IQCM: variants seen among roughly 807,000 people sequenced by gnomAD.
IQCM encodes the protein IQ motif containing M, also known as IQ domain-containing protein M.
In IQCM, 45 loss-of-function variants were observed where a neutral mutation model predicts 57.6. The observed-to-expected ratio is 0.78, with a 90% confidence interval of 0.62 to 1.00. IQCM has a LOEUF of 1.00. IQCM is among the 50% of genes least tolerant of loss of function. The pLI is 0.00. For synonymous variants in IQCM, 148 were observed against 158.9 expected (o/e 0.93, Z 0.51); for missense variants, 468 against 511.6 (o/e 0.91, Z 0.82).
intron 7 of IQCM, among the ~76,000 whole-genome samples, chr4:149,676,255 CAA>C (rs1761742066): frequency 6.6e-6 from 1 of 152,038 alleles, no homozygotes; most frequent in South Asian, 2.1e-4. Context: ...TGTATTTACA[CAA>C]GACCATAAAC....
At chr4:149,528,130 C>T (rs1463765496) in intron 12 of IQCM, among the ~76,000 whole-genome samples, 1 of 151,962 alleles carries the variant, frequency 6.6e-6, no homozygotes, top group Non-Finnish European at 1.5e-5. Flanking sequence ...GGATTACAGG[C>T]ACCTGGCCCC....
chr4:149,375,009 T>TGA lies in IQCM; in HGVS notation c.1391-22945_1391-22944dup, dbSNP rs748110674. ...TGTGTGTGTGTGTGTTGTGTGTGTG[T>TGA]GATGTTCTTTATTAGCAAAATTTAA... On this transcript the variant is annotated intron_variant, in intron 13 of 13. Coordinates refer to ENST00000636793, the MANE Select transcript of IQCM (RefSeq NM_001363507.2). Among the ~76,000 whole-genome samples the TGA allele has an allele frequency of 8.6e-3, 1,307 of 151,194 alleles. 10 individuals carry two copies. The highest frequency in any genetic ancestry group is 0.037 in the Middle Eastern group (11 of 294).
At chr4:149,527,159 G>T (rs1560951871) in intron 12 of IQCM, among the ~76,000 whole-genome samples, 1 of 152,152 alleles carries the variant, frequency 6.6e-6, no homozygotes, top group Admixed American at 6.5e-5. Flanking sequence ...ACTAAGCATG[G>T]TGCTGGCCAC....
intron 7 of IQCM, among the ~76,000 whole-genome samples, chr4:149,664,477 A>T (rs1404781637): frequency 1.3e-5 from 2 of 152,110 alleles, no homozygotes; most frequent in African/African-American, 2.4e-5. Flanking sequence ...GCAGATGGTC[A>T]GAGTGTCAGT....
chr4:149,784,630 G>T (rs1311007494), intron 2 of IQCM, among the ~76,000 whole-genome samples: 1 of 152,078 alleles, frequency 6.6e-6, no homozygotes, highest in Admixed American at 6.6e-5. Context: ...TAGCCAGGAT[G>T]GTCTGCATCT....
At chr4:149,498,056 G>T (rs1386337190) in intron 12 of IQCM, among the ~76,000 whole-genome samples, 2 of 152,090 alleles carry the variant, frequency 1.3e-5, no homozygotes, top group Admixed American at 6.6e-5. Context: ...GTTAGAACTG[G>T]CCCTACCACC....
chr4:149,395,166 T>C (rs1480976853), intron 13 of IQCM, among the ~76,000 whole-genome samples: 1 of 152,042 alleles, frequency 6.6e-6, no homozygotes, highest in Non-Finnish European at 1.5e-5. Context: ...TAAACATATC[T>C]ATAGCTAACA....
At chr4:149,389,434 A>G (rs1277602962) in intron 13 of IQCM, among the ~76,000 whole-genome samples, 2 of 151,888 alleles carry the variant, frequency 1.3e-5, no homozygotes, top group Non-Finnish European at 2.9e-5. Flanking sequence ...CATTATTCAC[A>G]ATAGCAAAGA....
intron 6 of IQCM, among the ~76,000 whole-genome samples, chr4:149,682,689 A>G (rs983876850): frequency 6.6e-6 from 1 of 150,998 alleles, no homozygotes; most frequent in Non-Finnish European, 1.5e-5. Flanking sequence ...ATAATTGCAA[A>G]CCCTTCAATG....
chr4:149,734,881 C>T (rs1766791688), intron 4 of IQCM, among the ~76,000 whole-genome samples: 1 of 152,054 alleles, frequency 6.6e-6, no homozygotes, highest in South Asian at 2.1e-4. Flanking sequence ...ATCATTATTG[C>T]TAGAGATACA....
chr4:149,359,826 T>C (rs984961453), intron 13 of IQCM, among the ~76,000 whole-genome samples: 7 of 152,308 alleles, frequency 4.6e-5, no homozygotes, highest in African/African-American at 1.7e-4. Flanking sequence ...AAATTAATCT[T>C]TGTAGAGCAA....
chr4:149,802,886 T>C (rs747191275), intron 2 of IQCM, among the ~76,000 whole-genome samples: 1 of 152,014 alleles, frequency 6.6e-6, no homozygotes, highest in Non-Finnish European at 1.5e-5. Context: ...GGAAAAATGC[T>C]GCTCTACATA....
intron 13 of IQCM, among the ~76,000 whole-genome samples, chr4:149,410,210 C>A (rs1333371495): frequency 5.3e-5 from 8 of 151,902 alleles, no homozygotes; most frequent in East Asian, 1.9e-4. Flanking sequence ...AACAAACAAA[C>A]AAAAAACCCC....
chr4:149,572,363 T>C (rs1181091668), intron 9 of IQCM, among the ~76,000 whole-genome samples: 1 of 151,978 alleles, frequency 6.6e-6, no homozygotes, highest in Non-Finnish European at 1.5e-5. Context: ...CACAGCTCAC[T>C]GCAACCTCTA....
intron 7 of IQCM, among the ~76,000 whole-genome samples, chr4:149,635,947 A>G (rs993660065): frequency 1.3e-5 from 2 of 152,202 alleles, no homozygotes; most frequent in Non-Finnish European, 2.9e-5. Context: ...AGAATAAGAG[A>G]TTTTAAAAAT....
At chr4:149,692,044 A>G (rs1384441051) in intron 5 of IQCM, among the ~76,000 whole-genome samples, 3 of 152,246 alleles carry the variant, frequency 2.0e-5, no homozygotes, top group Admixed American at 2.0e-4. Context: ...GTGCTCCCCT[A>G]TATTTTCCAT....
At chr4:149,693,283 A>T (rs1763079731) in intron 5 of IQCM, among the ~76,000 whole-genome samples, 7 of 152,168 alleles carry the variant, frequency 4.6e-5, no homozygotes, top group Admixed American at 4.6e-4. Flanking sequence ...CTTGAATGAT[A>T]TGGTCCATGA....
intron 13 of IQCM, among the ~76,000 whole-genome samples, chr4:149,402,095 A>T (rs1732655654): frequency 6.6e-6 from 1 of 151,796 alleles, no homozygotes; most frequent in South Asian, 2.1e-4. Context: ...GACAGAGGTG[A>T]AAAAAGAATA....
intron 12 of IQCM, among the ~76,000 whole-genome samples, chr4:149,540,682 T>C (rs895629134): frequency 5.9e-5 from 9 of 152,124 alleles, no homozygotes; most frequent in African/African-American, 2.2e-4. Flanking sequence ...TGTGATCCTA[T>C]TTTTATTCTA....
Sources: allele counts gnomAD v4.1 joint callset (sites outside exome capture counted in the v4.1 genomes callset), GRCh38; gene constraint gnomAD v4.1.1; transcripts MANE v1.5; gene names NCBI Gene and HGNC (gene_info 2026-07-23, HGNC 2026-07-21).